TPPP: variants seen among roughly 807,000 people sequenced by gnomAD.
The protein encoded by TPPP is tubulin polymerization promoting protein.
Under a neutral mutation model 15.5 loss-of-function variants are expected in TPPP, and 6 were observed. That is an observed-to-expected ratio of 0.39 (90% CI 0.21 to 0.77). TPPP has a LOEUF of 0.77. TPPP is among the 30% of genes least tolerant of loss of function. TPPP has a pLI of 0.42. For missense variants in TPPP, 269 were observed against 307.2 expected (o/e 0.88, Z 0.93); for synonymous variants, 146 against 133.9 (o/e 1.09, Z -0.63).
At chr5:668,631 A>G (rs951355446) in intron 2 of TPPP, among the ~76,000 whole-genome samples, 3 of 152,236 alleles carry the variant, frequency 2.0e-5, no homozygotes, top group African/African-American at 7.2e-5. Flanking sequence ...CGGCAGAGCC[A>G]CTGTGGACAG....
At chr5:684,419 A>T (rs1740712097) in intron 1 of TPPP, among the ~76,000 whole-genome samples, 1 of 152,156 alleles carries the variant, frequency 6.6e-6, no homozygotes, top group Admixed American at 6.5e-5. Context: ...CCCACTGGGC[A>T]TTCAGCCTGG....
At chr5:684,595 C>T (rs867449849) in intron 1 of TPPP, among the ~76,000 whole-genome samples, 1 of 71,868 alleles carries the variant, frequency 1.4e-5, no homozygotes, top group Admixed American at 1.2e-4. Context: ...CTTCTAGGAC[C>T]TGGAGCCCTG....
At chr5:671,089 G>A (rs917590284) in intron 2 of TPPP, among the ~76,000 whole-genome samples, 8 of 152,212 alleles carry the variant, frequency 5.3e-5, no homozygotes, top group South Asian at 4.1e-4. Context: ...CCACACAGCC[G>A]GTCGGGGGGC....
At chr5:675,568 G>C (rs1740403042) in intron 2 of TPPP, among the ~76,000 whole-genome samples, 1 of 149,936 alleles carries the variant, frequency 6.7e-6, no homozygotes, top group South Asian at 2.1e-4. Context: ...AGTGTGGCTG[G>C]GGGTGCGGTG....
chr5:665,540 G>T (rs1343341895), intron 3 of TPPP, among the ~76,000 whole-genome samples: 1 of 151,904 alleles, frequency 6.6e-6, no homozygotes, highest in Non-Finnish European at 1.5e-5. Context: ...TGTAGTTGGG[G>T]ACCCCACCAC....
intron 2 of TPPP, among the ~76,000 whole-genome samples, chr5:673,445 T>C (rs1485773107): frequency 6.6e-6 from 1 of 151,448 alleles, no homozygotes; most frequent in Non-Finnish European, 1.5e-5. Context: ...CAGGGGTCCA[T>C]GGCTGCAGGT....
upstream of TPPP, among the ~76,000 whole-genome samples, chr5:695,479 A>G (rs1740994942): frequency 6.8e-6 from 1 of 147,746 alleles, no homozygotes; most frequent in African/African-American, 2.5e-5. Context: ...GTCCCGTTAT[A>G]AGATGTTTCC....
chr5:673,551 C>G (rs777300126), intron 2 of TPPP, among the ~76,000 whole-genome samples: 1 of 152,188 alleles, frequency 6.6e-6, no homozygotes, highest in Non-Finnish European at 1.5e-5. Context: ...GACAATCTCC[C>G]ACACGGCGCC....
At chr5:683,096 G>A (rs1740671227) in intron 1 of TPPP, among the ~76,000 whole-genome samples, 1 of 151,530 alleles carries the variant, frequency 6.6e-6, no homozygotes. Flanking sequence ...ACCTGCCCTA[G>A]AGAAGCCACC....
chr5:669,044 A>G (rs1002256741), intron 2 of TPPP, among the ~76,000 whole-genome samples: 1 of 152,218 alleles, frequency 6.6e-6, no homozygotes, highest in African/African-American at 2.4e-5. Flanking sequence ...TGAGCCAAAG[A>G]AGAAATCGCG....
At chr5:669,790 C>T (rs866616417) in intron 2 of TPPP, among the ~76,000 whole-genome samples, 13 of 152,192 alleles carry the variant, frequency 8.5e-5, no homozygotes, top group Middle Eastern at 6.8e-3. Flanking sequence ...GAGCTCTCCC[C>T]AGGAGACCCG....
intron 2 of TPPP, among the ~76,000 whole-genome samples, chr5:666,457 G>A (rs1258723538): frequency 1.3e-5 from 2 of 152,210 alleles, no homozygotes; most frequent in African/African-American, 4.8e-5. Flanking sequence ...GCCCAGCTGC[G>A]CCGGGAGCTG....
chr5:698,770 G>C, the TPPP span, among the ~76,000 whole-genome samples: 1 of 151,756 alleles, frequency 6.6e-6, no homozygotes, highest in African/African-American at 2.4e-5. Context: ...CAGCCAAACC[G>C]TATTACGACT....
chr5:684,297 C>T (rs755678450), intron 1 of TPPP, among the ~76,000 whole-genome samples: 27 of 152,338 alleles, frequency 1.8e-4, no homozygotes, highest in African/African-American at 2.9e-4. Flanking sequence ...AGCACAGGCA[C>T]GGCACAGCCC....
At chr5:685,669 C>A (rs1740747332) in intron 1 of TPPP, among the ~76,000 whole-genome samples, 1 of 152,236 alleles carries the variant, frequency 6.6e-6, no homozygotes, top group Non-Finnish European at 1.5e-5. Context: ...GCACCCAGCC[C>A]CTGGTGCCCT....
At chr5:669,565 C>G (rs901255005) in intron 2 of TPPP, among the ~76,000 whole-genome samples, 1 of 152,160 alleles carries the variant, frequency 6.6e-6, no homozygotes, top group African/African-American at 2.4e-5. Flanking sequence ...ATGCGGACGC[C>G]AGGCCTGACT....
At chr5:675,951 T>G (rs1317779510) in intron 2 of TPPP, 1 of 152,142 alleles carries the variant, frequency 6.6e-6, no homozygotes, top group African/African-American at 2.4e-5. Flanking sequence ...CCACTGGGAC[T>G]GGACAGGGTC....
chr5:694,431 C>G (rs866675884), upstream of TPPP, among the ~76,000 whole-genome samples: 3 of 125,872 alleles, frequency 2.4e-5, no homozygotes, highest in African/African-American at 7.5e-5. Context: ...GGCTCTGTCC[C>G]TGCACCAGGT....
rs540314181 is a variant in TPPP at position 685,801 on chromosome 5, C to A, written c.-5+7477G>T. Among the ~76,000 whole-genome samples the A allele has an allele frequency of 5.3e-5, 8 of 152,264 alleles. No homozygotes were observed. The East Asian group carries it at 1.5e-3, about 29-fold the overall frequency. ...GCACTCAGGTGTAGGGATGAGAAGGCGGGGCAGTCTCAGAGAAAACCCTCC... is the reference window on the plus strand; with the variant it reads ...GCACTCAGGTGTAGGGATGAGAAGGAGGGGCAGTCTCAGAGAAAACCCTCC... On this transcript the variant is annotated intron_variant, in intron 1 of 3. Transcript: ENST00000360578.
Sources: allele counts gnomAD v4.1 joint callset (sites outside exome capture counted in the v4.1 genomes callset), GRCh38; gene constraint gnomAD v4.1.1; transcripts MANE v1.5; gene names NCBI Gene and HGNC (gene_info 2026-07-23, HGNC 2026-07-21).